IL6: variants seen among roughly 807,000 people sequenced by gnomAD.
The protein encoded by IL6 is interleukin-6.
Under a neutral mutation model 18.0 loss-of-function variants are expected in IL6, and 5 were observed. The observed-to-expected ratio is 0.28, with a 90% CI of 0.15 to 0.58. IL6 has a LOEUF of 0.58. Among genes scored for constraint, IL6 ranks in the 20% least tolerant of loss-of-function variants. IL6 has a pLI of 0.90. For missense variants in IL6, 266 were observed against 251.0 expected, an observed-to-expected ratio of 1.06 and a Z score of -0.40; for synonymous variants, 97 against 95.1, an observed-to-expected ratio of 1.02 and a Z score of -0.12.
chr7:22,727,354 C>T, intron 1 of IL6, 73 bp downstream of exon 1: 7 of 1,613,770 alleles, frequency 4.3e-6, no homozygotes, highest in Non-Finnish European at 5.9e-6. Flanking sequence ...GGGTGTGTGG[C>T]CCAGGGAGGG....
chr7:22,729,631 A>G lies in IL6; in HGVS notation c.442A>G (p.Lys148Glu). The G allele has an allele frequency of 6.2e-7, 1 of 1,614,152 alleles. No homozygotes were observed. Among genetic ancestry groups the G allele is most frequent in the Non-Finnish European group, 8.5e-7 (1 of 1,180,030 alleles). ...AGCCAGAGCTGTGCAGATGAGTACA[A>G]AAGTCCTGATCCAGTTCCTGCAGAA... The part of the protein sequence containing the change: ...EQARAVQMST[K>E]VLIQFLQKKA... The change falls in exon 4 of 5, where the codon AAA (lysine) becomes GAA (glutamate). Residue 148 changes from lysine (K) to glutamate (E), a missense_variant. Lys to Glu is a moderately conservative substitution (Grantham distance 56). Transcript: ENST00000258743.
chr7:22,731,633 C>T lies in IL6; in HGVS notation c.*60C>T. The stretch of plus-strand genomic sequence containing the variant: ...TTCCTTCTTCTGGTCAGAAACCTGT[C>T]CACTGGGCACAGAACTTATGTTGTT... On this transcript the variant is annotated 3_prime_UTR_variant, in exon 5 of 5. Transcript: ENST00000258743. 2 of 1,321,450 alleles carry T rather than the reference C, an allele frequency of 1.5e-6. No homozygotes were observed. The highest frequency in any genetic ancestry group is 2.1e-6 in the Non-Finnish European group (2 of 966,780). 81.9% of individuals were successfully genotyped at this position (1,321,450 alleles called of 1,614,324 possible). A position where few individuals can be genotyped will look rare whatever the true frequency, so the allele number is the denominator to read the frequency against.
intron 2 of IL6, 99 bp from the exon 3 acceptor site, chr7:22,728,594 T>TA: frequency 1.4e-6 from 1 of 730,578 alleles, no homozygotes; most frequent in African/African-American, 1.8e-5. Flanking sequence ...TCATTTTTCT[T>TA]AGAGACTTTC....
intron 3 of IL6, among the ~76,000 whole-genome samples, chr7:22,729,264 A>G (rs983414892): frequency 3.3e-5 from 5 of 152,192 alleles, no homozygotes; most frequent in African/African-American, 1.2e-4. Flanking sequence ...AAGGGGGACA[A>G]TCAGAGAAGG....
intron 4 of IL6, among the ~76,000 whole-genome samples, chr7:22,731,086 A>G (rs926554845): frequency 2.0e-5 from 3 of 151,962 alleles, no homozygotes; most frequent in African/African-American, 7.3e-5. Flanking sequence ...AAAATACAAA[A>G]AAGTTAGCCA....
At chr7:22,727,342 AG>A (rs1784025150) in intron 1 of IL6, 61 bp downstream of exon 1, 2 of 1,613,766 alleles carry the variant, frequency 1.2e-6, no homozygotes, top group Non-Finnish European at 1.7e-6. Flanking sequence ...TGTGTGAGGG[AG>A]GGGTGTGTGG....
chr7:22,730,401 C>A, intron 4 of IL6: 1 of 433,862 alleles, frequency 2.3e-6, no homozygotes, highest in Non-Finnish European at 3.1e-6. Context: ...CAAATTTCTA[C>A]CAGGCTTATA....
intron 4 of IL6, chr7:22,729,934 T>A: frequency 4.8e-5 from 59 of 1,235,918 alleles, no homozygotes; most frequent in Middle Eastern, 3.3e-4. Context: ...GCAAGAGATT[T>A]AAAACCAAAG....
chr7:22,727,470 C>A lies in IL6; in HGVS notation c.46C>A (p.Leu16Met). The A allele has an allele frequency of 6.2e-7, 1 of 1,614,080 alleles. No individual in the cohort carries two copies. The highest frequency in any genetic ancestry group is 8.5e-7 in the Non-Finnish European group (1 of 1,179,960). Reference protein sequence around the residue: ...TSAFGPVAFSLGLLLVLPAAF... With the variant: ...TSAFGPVAFSMGLLLVLPAAF... ...CGCCTTCGGTCCAGTTGCCTTCTCC[C>A]TGGGGCTGCTCCTGGTGTTGCCTGC... Residue 16 changes from leucine (L) to methionine (M), a missense_variant, in exon 2 of 5, where the codon CTG becomes ATG. Leu to Met is a conservative substitution (Grantham distance 15). Coordinates refer to ENST00000258743, the MANE Select transcript of IL6 (RefSeq NM_000600.5).
chr7:22,728,586 AT>A (rs1344288762), intron 2 of IL6, 106 bp from the exon 3 acceptor site: 1 of 706,198 alleles, frequency 1.4e-6, no homozygotes, highest in African/African-American at 1.8e-5. Flanking sequence ...TTGTAGCTTC[AT>A]TTTTCTTAGA....
chr7:22,727,211 G>A lies in IL6; in HGVS notation c.-52G>A. The A allele has an allele frequency of 1.7e-5, 27 of 1,609,602 alleles. No homozygotes were observed. The highest frequency in any genetic ancestry group is 4.4e-5 in the South Asian group (4 of 90,862). ...GATGTCTGAGGCTCATTCTGCCCTC[G>A]AGCCCACCGGGAACGAAAGAGAAGC... is the stretch of plus-strand genomic sequence containing the variant. On this transcript the variant is annotated 5_prime_UTR_variant, in exon 1 of 5. Coordinates refer to ENST00000258743, the MANE Select transcript of IL6 (RefSeq NM_000600.5).
Position 22,727,436 on chromosome 7 carries a change from C to A in IL6, c.20-8C>A. On this transcript the variant is annotated splice_polypyrimidine_tract_variant and splice_region_variant and intron_variant, in intron 1 of 4. Coordinates refer to ENST00000258743, the MANE Select transcript of IL6 (RefSeq NM_000600.5). ...GCTCACCCCTGCGCTCGCTCCCCTC[C>A]GGCACAGGCGCCTTCGGTCCAGTTG... 1 of 1,613,836 alleles carries A rather than the reference C, an allele frequency of 6.2e-7. No individual in the cohort carries two copies. The highest frequency in any genetic ancestry group is 8.5e-7 in the Non-Finnish European group (1 of 1,179,836).
rs13306435 is a variant in IL6, at chr7:22,731,420, T to A, written c.486T>A (p.Asp162Glu). The A allele has an allele frequency of 0.015, 24,246 of 1,574,046 alleles. 660 individuals are homozygous for A. The highest frequency in any genetic ancestry group is 0.12 in the Admixed American group (6,692 of 54,544). The part of the protein sequence containing the change: ...QFLQKKAKNL[D>E]AITTPDPTTN... Reference sequence around the variant, plus strand: ...TTTTCCTTCAGGCAAAGAATCTAGATGCAATAACCACCCCTGACCCAACCA... The same window carrying A: ...TTTTCCTTCAGGCAAAGAATCTAGAAGCAATAACCACCCCTGACCCAACCA... The change falls in exon 5 of 5, where the codon GAT becomes GAA. Residue 162 changes from aspartate to glutamate, a missense_variant. Asp to Glu is a conservative substitution (Grantham distance 45, BLOSUM62 2). Transcript: ENST00000258743.
chr7:22,729,727 A>G, intron 4 of IL6, 67 bp downstream of exon 4: 1 of 1,611,926 alleles, frequency 6.2e-7, no homozygotes, highest in Non-Finnish European at 8.5e-7. Context: ...TGTCCTGGAC[A>G]ACTCAGGGAT....
At chr7:22,728,427 C>T (rs1466329051) in intron 2 of IL6, 5 of 441,390 alleles carry the variant, frequency 1.1e-5, no homozygotes, top group Admixed American at 3.5e-5. Flanking sequence ...TGTGTCTAAT[C>T]TTCAAAACAA....
chr7:22,729,931 A>T (rs1784094347), intron 4 of IL6: 1 of 1,372,010 alleles, frequency 7.3e-7, no homozygotes. Flanking sequence ...AGTGCAAGAG[A>T]TTTAAAACCA....
In IL6 at chr7:22,731,435, T is replaced by C; in HGVS notation, c.501T>C (p.Pro167=). 6.2e-7 allele frequency: 1 copy of C among 1,604,572 alleles called. No homozygotes were observed. Among genetic ancestry groups the C allele is most frequent in the Non-Finnish European group, 8.5e-7 (1 of 1,173,336 alleles). Residue 167 remains proline (P), a synonymous_variant, in exon 5 of 5, where the codon CCT becomes CCC. Coordinates refer to ENST00000258743, the MANE Select transcript of IL6 (RefSeq NM_000600.5). ...AGAATCTAGATGCAATAACCACCCCTGACCCAACCACAAATGCCAGCCTGC... is the reference window on the plus strand; with the variant it reads ...AGAATCTAGATGCAATAACCACCCCCGACCCAACCACAAATGCCAGCCTGC... ...KAKNLDAITT[P]DPTTNASLLT... is the part of the protein sequence containing the mutation.
chr7:22,727,467 T>A lies in IL6; in HGVS notation c.43T>A (p.Ser15Thr), dbSNP rs1291977570. ...STSAFGPVAF[S>T]LGLLLVLPAA... ...AGGCGCCTTCGGTCCAGTTGCCTTC[T>A]CCCTGGGGCTGCTCCTGGTGTTGCC... Residue 15 changes from serine to threonine, a missense_variant, in exon 2 of 5, where the codon TCC (serine) becomes ACC (threonine). By Grantham distance (58) the Ser-to-Thr change is moderately conservative (BLOSUM62 1). Coordinates refer to ENST00000258743, the MANE Select transcript of IL6 (RefSeq NM_000600.5). The A allele has an allele frequency of 6.2e-7, 1 of 1,614,064 alleles. No individual in the cohort carries two copies. The highest frequency in any genetic ancestry group is 1.3e-5 in the African/African-American group (1 of 75,066).
rs376403172 is a variant in IL6, at chr7:22,731,484, C to G, written c.550C>G (p.Gln184Glu). Residue 184 changes from glutamine (Q) to glutamate (E), a missense_variant, in exon 5 of 5, where the codon CAG (glutamine) becomes GAG (glutamate). Physicochemically the swap from Gln to Glu is conservative, Grantham distance 29. Coordinates refer to ENST00000258743, the MANE Select transcript of IL6 (RefSeq NM_000600.5). ...SLLTKLQAQN[Q>E]WLQDMTTHLI... ...GCTGACGAAGCTGCAGGCACAGAAC[C>G]AGTGGCTGCAGGACATGACAACTCA... 6 of 1,609,098 alleles carry G rather than the reference C, an allele frequency of 3.7e-6. No homozygotes were observed. Among genetic ancestry groups the G allele is most frequent in the Non-Finnish European group, 5.1e-6 (6 of 1,176,400 alleles).
Sources: gnomAD v4.1 joint callset for allele counts (sites outside exome capture counted in the v4.1 genomes callset) on GRCh38, gnomAD v4.1.1 for gene constraint, MANE v1.5 for transcripts, NCBI Gene and HGNC (gene_info 2026-07-23, HGNC 2026-07-21) for gene names.